Variants in ZMYM2 observed in about 807,000 individuals in gnomAD.
ZMYM2 encodes the protein zinc finger MYM-type containing 2.
Under a neutral mutation model 162.8 loss-of-function variants are expected in ZMYM2, and 56 were observed. The ratio of observed to expected loss-of-function variants is 0.34; its 90% CI spans 0.28 to 0.43. The LOEUF (loss-of-function observed/expected upper bound fraction) is 0.43, where lower values mean the gene tolerates loss of function less well. Ranked by LOEUF, ZMYM2 falls within the 20% of genes least tolerant of loss-of-function variation. ZMYM2 has a pLI of 1.00. For synonymous variants in ZMYM2, 510 were observed against 541.6 expected (o/e 0.94, Z 0.81); for missense variants, 1,275 against 1,621.8 (o/e 0.79, Z 3.67).
At chr13:19,898,294 A>G in the ZMYM2 span, among the ~76,000 whole-genome samples, 1 of 150,762 alleles carries the variant, frequency 6.6e-6, no homozygotes, top group Non-Finnish European at 1.5e-5. Flanking sequence ...GTGCAGTGGC[A>G]CGATCTTGGC....
chr13:20,058,584 C>T lies in ZMYM2; in HGVS notation c.2503C>T (p.Pro835Ser). ...TSRTKMTGSA[P>S]PPSPTPNKEM... ...CTTTGCTTCTCCATAGGGTTCAGCA[C>T]CACCCCCTTCTCCAACACCTAACAA... Residue 835 changes from proline to serine, a missense_variant, in exon 15 of 25, where the codon CCA becomes TCA. Physicochemically the swap from Pro to Ser is moderately conservative, Grantham distance 74. Around this residue, in one of 10 missense-constraint regions of ZMYM2, gnomAD observed 177 missense variants for 228.0 expected, o/e 0.78. Transcript: ENST00000610343. 6.8e-6 allele frequency: 11 copies of T among 1,613,582 alleles called. No individual in the cohort carries two copies. Among genetic ancestry groups the T allele is most frequent in the Non-Finnish European group, 8.5e-6 (10 of 1,179,684 alleles).
chr13:19,968,295 C>G (rs55934965), intron 2 of ZMYM2, among the ~76,000 whole-genome samples: 7 of 151,962 alleles, frequency 4.6e-5, no homozygotes, highest in African/African-American at 1.5e-4. Context: ...CAAGCTGGAG[C>G]GCAATGGTGT....
At chr13:20,078,292 C>T (rs182818919) in intron 21 of ZMYM2, among the ~76,000 whole-genome samples, 259 of 149,596 alleles carry the variant, frequency 1.7e-3, no homozygotes, top group Non-Finnish European at 2.9e-3. Flanking sequence ...ATTCATATAA[C>T]GTTTAATAAA....
In ZMYM2 at chr13:19,993,321, A is replaced by G; in HGVS notation, c.249A>G (p.Thr83=). Reference sequence around the variant, plus strand: ...TGGTAGCTGATCAAAGAACCATAACATTTACATCATCAAAAAATGAAGAAC... The same window carrying G: ...TGGTAGCTGATCAAAGAACCATAACGTTTACATCATCAAAAAATGAAGAAC... ...VPVVADQRTI[T]FTSSKNEELQ... The change falls in exon 3 of 25, where the codon ACA becomes ACG. Residue 83 remains threonine (T), a synonymous_variant. Coordinates refer to ENST00000610343, the MANE Select transcript of ZMYM2 (RefSeq NM_197968.4). The G allele has an allele frequency of 1.2e-6, 2 of 1,613,932 alleles. No individual in the cohort carries two copies. Among genetic ancestry groups the G allele is most frequent in the Non-Finnish European group, 1.7e-6 (2 of 1,179,874 alleles).
rs546046715 is a variant in ZMYM2, at chr13:20,042,721, A to ATTT, written c.2292+5814_2292+5815insTTT. Among the ~76,000 whole-genome samples the ATTT allele has an allele frequency of 9.9e-4, 146 of 148,078 alleles. No individual in the cohort carries two copies. In the Middle Eastern group the frequency reaches 0.017, roughly 17 times the overall value. ...TTGCTGACCTTTGCTTTTTATTATTATTATTTTTTTTTATTTTTTTGAGAT... is the reference window on the plus strand; with the variant it reads ...TTGCTGACCTTTGCTTTTTATTATTATTTTTATTTTTTTTTATTTTTTTGAGAT... On this transcript the variant is annotated intron_variant, in intron 12 of 24. Coordinates refer to ENST00000610343, the MANE Select transcript of ZMYM2 (RefSeq NM_197968.4).
the ZMYM2 span, among the ~76,000 whole-genome samples, chr13:19,908,827 T>A: frequency 6.6e-6 from 1 of 152,208 alleles, no homozygotes; most frequent in South Asian, 2.1e-4. Flanking sequence ...ATGTAGCCTC[T>A]GAGTAACTGT....
intron 2 of ZMYM2, among the ~76,000 whole-genome samples, chr13:19,971,262 A>ATATTTTT (rs1329532735): frequency 6.4e-5 from 5 of 78,332 alleles, no homozygotes; most frequent in African/African-American, 1.9e-4. Context: ...ATATATATAT[A>ATATTTTT]TTTTTTTTTT....
the ZMYM2 span, among the ~76,000 whole-genome samples, chr13:19,923,273 C>G: frequency 7.7e-5 from 11 of 143,114 alleles, no homozygotes; most frequent in South Asian, 2.5e-3. Context: ...AGGAGAATCC[C>G]TTGAACCCAG....
the ZMYM2 span, among the ~76,000 whole-genome samples, chr13:19,907,191 T>A: frequency 1.3e-5 from 2 of 152,232 alleles, no homozygotes; most frequent in African/African-American, 4.8e-5. Flanking sequence ...TATAAATTAC[T>A]TTATTTTAAT....
chr13:19,940,607 A>C, the ZMYM2 span, among the ~76,000 whole-genome samples: 1 of 152,120 alleles, frequency 6.6e-6, no homozygotes, highest in South Asian at 2.1e-4. Flanking sequence ...AAAATCTTTC[A>C]TTTCCTTTCC....
chr13:19,979,224 A>G (rs955864400), intron 2 of ZMYM2, among the ~76,000 whole-genome samples: 8 of 152,198 alleles, frequency 5.3e-5, no homozygotes, highest in Non-Finnish European at 7.3e-5. Flanking sequence ...GTGTCTTGAC[A>G]TGGATATCTT....
Position 20,081,997 on chromosome 13 carries a change from G to T in ZMYM2, c.3454-19G>T. ...ATTTTCTTTCAAGAAAGTTTGTGGG[G>T]CTTTTTTTTTTTTTATAGTATTTGT... On this transcript the variant is annotated intron_variant, in intron 21 of 24. Transcript: ENST00000610343. 2 of 1,230,456 alleles carry T rather than the reference G, an allele frequency of 1.6e-6. No individual in the cohort carries two copies. The highest frequency in any genetic ancestry group is 2.2e-6 in the Non-Finnish European group (2 of 927,058). The allele number at this position is 1,230,456 out of a possible 1,614,324, so 76.2% of individuals were successfully genotyped here. A position where few individuals can be genotyped will look rare whatever the true frequency, so the allele number is the denominator to read the frequency against.
intron 2 of ZMYM2, among the ~76,000 whole-genome samples, chr13:19,972,605 C>T (rs1365556475): frequency 1.3e-5 from 2 of 151,830 alleles, no homozygotes; most frequent in African/African-American, 2.4e-5. Flanking sequence ...AGTCTGTTTC[C>T]AATTTTTTGC....
the ZMYM2 span, among the ~76,000 whole-genome samples, chr13:19,874,137 AG>A: frequency 6.6e-6 from 1 of 152,176 alleles, no homozygotes; most frequent in Non-Finnish European, 1.5e-5. Context: ...TAACTGTCTT[AG>A]GTCTCCCAAG....
At chr13:20,019,109 A>C (rs1009307597) in intron 6 of ZMYM2, among the ~76,000 whole-genome samples, 1 of 149,664 alleles carries the variant, frequency 6.7e-6, no homozygotes, top group Non-Finnish European at 1.5e-5. Flanking sequence ...ACAACAACAA[A>C]AAAAAACAAT....
chr13:19,949,236 C>A, the ZMYM2 span, among the ~76,000 whole-genome samples: 1 of 151,708 alleles, frequency 6.6e-6, no homozygotes, highest in Non-Finnish European at 1.5e-5. Context: ...ATGGTGAAAC[C>A]CCATCTCTGC....
chr13:20,048,657 A>G (rs963439344), intron 12 of ZMYM2, among the ~76,000 whole-genome samples: 1 of 152,044 alleles, frequency 6.6e-6, no homozygotes, highest in Non-Finnish European at 1.5e-5. Context: ...TATCCAAGAC[A>G]TGAAAGGGAC....
At chr13:20,019,053 G>A (rs1398180474) in intron 6 of ZMYM2, among the ~76,000 whole-genome samples, 12 of 148,384 alleles carry the variant, frequency 8.1e-5, no homozygotes, top group Admixed American at 2.7e-4. Context: ...GCAATTCAGC[G>A]TGGGTGACAA....
chr13:20,016,634 C>CT (rs1167784947), intron 6 of ZMYM2, among the ~76,000 whole-genome samples: 6 of 151,826 alleles, frequency 4.0e-5, no homozygotes, highest in African/African-American at 7.3e-5. Flanking sequence ...TGTTTGAAAG[C>CT]TTTTTTTTCT....
Sources: gnomAD v4.1 joint callset for allele counts (sites outside exome capture counted in the v4.1 genomes callset) on GRCh38, gnomAD v4.1.1 for gene constraint, gnomAD v4.1.1 regional missense constraint, MANE v1.5 for transcripts, NCBI Gene and HGNC (gene_info 2026-07-23, HGNC 2026-07-21) for gene names.